Variants in ARHGAP22 observed in about 807,000 individuals in gnomAD.
ARHGAP22 encodes the protein rho GTPase-activating protein 22.
A neutral mutation model predicts 59.1 loss-of-function variants in ARHGAP22; 48 were observed. The ratio of observed to expected loss-of-function variants is 0.81; its 90% confidence interval spans 0.64 to 1.03. The LOEUF (loss-of-function observed/expected upper bound fraction) is 1.03, where lower values mean the gene tolerates loss of function less well. Ranked by LOEUF, ARHGAP22 falls within the 50% of genes least tolerant of loss-of-function variation. The probability of loss-of-function intolerance (pLI) is 0.00; values close to 1 mark genes in which losing one functional copy is unlikely to be tolerated. For missense variants in ARHGAP22, 1,015 were observed against 958.7 expected (o/e 1.06, Z -0.78); for synonymous variants, 445 against 416.4 (o/e 1.07, Z -0.84).
At chr10:48,545,583 G>A (rs1032173346) in intron 3 of ARHGAP22, among the ~76,000 whole-genome samples, 4 of 152,210 alleles carry the variant, frequency 2.6e-5, no homozygotes, top group African/African-American at 9.7e-5. Context: ...GAGATAGGCC[G>A]GTATCAGCAT....
In ARHGAP22 at chr10:48,581,370, G is replaced by C. The variant is rs1040025690; in HGVS notation, c.234+1583C>G. ...TCCCCAGTTTGCAAACTGTTCACTG[G>C]AATAAAGTCTCTTTCCTCCATATTC... On this transcript the variant is annotated intron_variant, in intron 2 of 9. Transcript: ENST00000249601. 2.0e-5 allele frequency among the ~76,000 whole-genome samples: 3 copies of C among 152,166 alleles called. No homozygotes were observed. The East Asian group carries it at 5.8e-4, about 29-fold the overall frequency.
At chr10:48,539,019 A>T (rs2055641230) in intron 3 of ARHGAP22, among the ~76,000 whole-genome samples, 1 of 152,250 alleles carries the variant, frequency 6.6e-6, no homozygotes, top group African/African-American at 2.4e-5. Flanking sequence ...AATTACTTGA[A>T]GATGAAAAAC....
intron 3 of ARHGAP22, among the ~76,000 whole-genome samples, chr10:48,481,078 C>A (rs3889333): frequency 0.58 from 88,336 of 151,818 alleles, 29,745 homozygotes; most frequent in Non-Finnish European, 0.75. Flanking sequence ...CCCTTCACTA[C>A]GCAGATAAGC....
At chr10:48,449,234 T>C (rs900435327) in intron 9 of ARHGAP22, among the ~76,000 whole-genome samples, 1 of 152,238 alleles carries the variant, frequency 6.6e-6, no homozygotes, top group Admixed American at 6.5e-5. Context: ...GTTCTACTGA[T>C]GCTATTTCCT....
intron 3 of ARHGAP22, among the ~76,000 whole-genome samples, chr10:48,505,166 G>A (rs191471970): frequency 1.3e-4 from 20 of 152,296 alleles, no homozygotes; most frequent in Admixed American, 3.3e-4. Flanking sequence ...CGATTCTCCT[G>A]CCTCAGCTTC....
chr10:48,579,863 G>T (rs566593466), intron 2 of ARHGAP22, among the ~76,000 whole-genome samples: 3 of 152,192 alleles, frequency 2.0e-5, no homozygotes, highest in Non-Finnish European at 4.4e-5. Context: ...ATTACATGCC[G>T]TTCATGCAAT....
Position 48,482,169 on chromosome 10 carries a change from A to G in ARHGAP22, c.323-2405T>C, listed in dbSNP as rs1023685076. 2.0e-5 allele frequency among the ~76,000 whole-genome samples: 3 copies of G among 152,318 alleles called. No homozygotes were observed. The East Asian group carries it at 5.8e-4, about 29-fold the overall frequency. Reference sequence around the variant, plus strand: ...TGAGTGTGCTTCCTGCATTGTATCTAAGAAATCTTTACTTCATCTAAGGCC... The same window carrying G: ...TGAGTGTGCTTCCTGCATTGTATCTGAGAAATCTTTACTTCATCTAAGGCC... On this transcript the variant is annotated intron_variant, in intron 3 of 9. Coordinates refer to ENST00000249601, the MANE Select transcript of ARHGAP22 (RefSeq NM_021226.4).
intron 3 of ARHGAP22, among the ~76,000 whole-genome samples, chr10:48,480,909 G>A (rs1589653880): frequency 6.6e-6 from 1 of 152,350 alleles, no homozygotes; most frequent in South Asian, 2.1e-4. Context: ...CAAGAACTGG[G>A]GAAACCAAGC....
At chr10:48,454,254 G>A (rs1275090987) in intron 6 of ARHGAP22, 93 bp from the exon 7 acceptor site, 5 of 1,189,870 alleles carry the variant, frequency 4.2e-6, no homozygotes, top group Non-Finnish European at 6.3e-6. Flanking sequence ...GAAGGGAGGT[G>A]GGGGCTACGG....
chr10:48,590,940 C>T (rs975277264), intron 1 of ARHGAP22, among the ~76,000 whole-genome samples: 2 of 152,198 alleles, frequency 1.3e-5, no homozygotes, highest in African/African-American at 4.8e-5. Flanking sequence ...TGAATAATTT[C>T]ACTTATTTCT....
At chr10:48,474,165 CT>C (rs903442029) in intron 4 of ARHGAP22, among the ~76,000 whole-genome samples, 1 of 151,898 alleles carries the variant, frequency 6.6e-6, no homozygotes, top group Non-Finnish European at 1.5e-5. Flanking sequence ...AAGTTTTATA[CT>C]TTTTTTTGCT....
chr10:48,527,436 G>C (rs1187901846), intron 3 of ARHGAP22, among the ~76,000 whole-genome samples: 1 of 151,702 alleles, frequency 6.6e-6, no homozygotes, highest in African/African-American at 2.4e-5. Context: ...TGGATGGATG[G>C]TTGCATGGAG....
rs988009795 is a variant in ARHGAP22, at chr10:48,446,164, G to A, written c.*227C>T. On this transcript the variant is annotated 3_prime_UTR_variant, in exon 10 of 10. Coordinates refer to ENST00000249601, the MANE Select transcript of ARHGAP22 (RefSeq NM_021226.4). ...AGGGCTAAGCGCTACTCTTGGTACC[G>A]TCCCCTTCTGACCCTCACCAGGAAC... 7.9e-5 allele frequency: 46 copies of A among 585,564 alleles called. No individual in the cohort carries two copies. The highest frequency in any genetic ancestry group is 1.1e-4 in the Non-Finnish European group (38 of 330,984). 36.3% of individuals were successfully genotyped at this position (585,564 alleles called of 1,614,324 possible).
At chr10:48,651,875 A>C (rs1045367476) in intron 1 of ARHGAP22, among the ~76,000 whole-genome samples, 1 of 152,098 alleles carries the variant, frequency 6.6e-6, no homozygotes, top group Non-Finnish European at 1.5e-5. Context: ...GCAGAGATGC[A>C]GAGTAGCCTT....
In ARHGAP22 at chr10:48,578,524, ATGTGTGTG is replaced by A. The variant is rs3076347; in HGVS notation, c.234+4421_234+4428del. ...TAACTACAGAAGTATTATGCAGTGTATGTGTGTGTGTGTGTGTGTGTGTGTGTGTCTGT... is the reference window on the plus strand; with the variant it reads ...TAACTACAGAAGTATTATGCAGTGTATGTGTGTGTGTGTGTGTGTGTCTGT... On this transcript the variant is annotated intron_variant, in intron 2 of 9. Coordinates refer to ENST00000249601, the MANE Select transcript of ARHGAP22 (RefSeq NM_021226.4). Among the ~76,000 whole-genome samples, 38 of 150,062 alleles carry A rather than the reference ATGTGTGTG, an allele frequency of 2.5e-4. 1 individual carries two copies. The highest frequency in any genetic ancestry group is 8.5e-4 in the South Asian group (4 of 4,716).
chr10:48,621,572 T>G (rs2061287348), intron 1 of ARHGAP22, among the ~76,000 whole-genome samples: 1 of 152,214 alleles, frequency 6.6e-6, no homozygotes, highest in African/African-American at 2.4e-5. Flanking sequence ...ATCTAAAATC[T>G]ATTCATCCCT....
At chr10:48,490,973 A>G (rs10857582) in intron 3 of ARHGAP22, among the ~76,000 whole-genome samples, 32,095 of 152,034 alleles carry the variant, frequency 0.21, 4,905 homozygotes, top group East Asian at 0.63. Context: ...CATAGCTGCA[A>G]TCTGGTCACT....
At chr10:48,620,629 T>G (rs2061252109) in intron 1 of ARHGAP22, among the ~76,000 whole-genome samples, 1 of 152,194 alleles carries the variant, frequency 6.6e-6, no homozygotes, top group Non-Finnish European at 1.5e-5. Flanking sequence ...CACCTTGTAC[T>G]GCTCAGGAGC....
At chr10:48,613,128 T>C (rs34939981) in intron 1 of ARHGAP22, among the ~76,000 whole-genome samples, 68,609 of 152,062 alleles carry the variant, frequency 0.45, 16,175 homozygotes, top group Admixed American at 0.54. Context: ...GAGAGTCTCG[T>C]GCACATGTGC....
Sources: allele counts gnomAD v4.1 joint callset (sites outside exome capture counted in the v4.1 genomes callset), GRCh38; gene constraint gnomAD v4.1.1; transcripts MANE v1.5; gene names NCBI Gene and HGNC (gene_info 2026-07-23, HGNC 2026-07-21).